CCNH: variants seen among roughly 807,000 people sequenced by gnomAD.
CCNH encodes the protein cyclin-H.
Under a neutral mutation model 41.9 loss-of-function variants are expected in CCNH, and 31 were observed. The ratio of observed to expected loss-of-function variants is 0.74; its 90% CI spans 0.56 to 1.00. The LOEUF (loss-of-function observed/expected upper bound fraction) is 1.00, where lower values mean the gene tolerates loss of function less well. Ranked by LOEUF, CCNH falls within the 50% of genes least tolerant of loss-of-function variation. The pLI is 0.00. For synonymous variants in CCNH, 138 were observed against 136.1 expected (o/e 1.01, Z -0.10); for missense variants, 362 against 388.4 (o/e 0.93, Z 0.57).
chr5:87,373,503 C>T (rs1221269440), downstream of CCNH, among the ~76,000 whole-genome samples: 1 of 152,054 alleles, frequency 6.6e-6, no homozygotes, highest in African/African-American at 2.4e-5. Context: ...ATACTTATTA[C>T]AACCTGTAGT....
intron 9 of CCNH, chr5:87,363,330 A>ATT (rs60835976): frequency 5.1e-6 from 7 of 1,378,082 alleles, no homozygotes; most frequent in Non-Finnish European, 7.0e-6. Context: ...AGAGAAAACA[A>ATT]TTTTTTTTTT....
chr5:87,411,700 C>T (rs2112586673), intron 1 of CCNH, among the ~76,000 whole-genome samples: 1 of 152,198 alleles, frequency 6.6e-6, no homozygotes, highest in East Asian at 1.9e-4. Flanking sequence ...AAGCTTCCAA[C>T]ATCCGTTTCT....
At chr5:87,318,093 T>C (rs2112325457), downstream of CCNH, among the ~76,000 whole-genome samples, 1 of 152,326 alleles carries the variant, frequency 6.6e-6, no homozygotes, top group African/African-American at 2.4e-5. Flanking sequence ...ATTGCTGGGC[T>C]AAAATGTTCT....
upstream of CCNH, among the ~76,000 whole-genome samples, chr5:87,382,125 T>C (rs113706786): frequency 0.032 from 4,859 of 152,226 alleles, 160 homozygotes; most frequent in African/African-American, 0.074. Flanking sequence ...GCTATTTTTG[T>C]ATTTTTAGTA....
intron 9 of CCNH, among the ~76,000 whole-genome samples, chr5:87,323,253 C>T (rs1432772390): frequency 6.6e-6 from 1 of 152,102 alleles, no homozygotes; most frequent in East Asian, 1.9e-4. Flanking sequence ...AGGAGAAACA[C>T]TTTGAGAAAG....
chr5:87,359,870 A>G (rs1759940150), intron 9 of CCNH, among the ~76,000 whole-genome samples: 1 of 152,200 alleles, frequency 6.6e-6, no homozygotes, highest in Non-Finnish European at 1.5e-5. Context: ...TCATGTCTAG[A>G]AAGGTTTACG....
chr5:87,394,264 C>T (rs1281558342), downstream of CCNH: 1 of 1,280,638 alleles, frequency 7.8e-7, no homozygotes. Flanking sequence ...AAAACAGGTG[C>T]TATTCTAGCT....
upstream of CCNH, among the ~76,000 whole-genome samples, chr5:87,378,012 A>T (rs140298388): frequency 9.2e-3 from 1,402 of 152,332 alleles, 28 homozygotes; most frequent in African/African-American, 0.031. Context: ...ATTTTGTGTT[A>T]TATCCTTAAT....
chr5:87,373,691 G>A (rs1307465802), downstream of CCNH, among the ~76,000 whole-genome samples: 4 of 152,110 alleles, frequency 2.6e-5, no homozygotes, highest in African/African-American at 9.7e-5. Flanking sequence ...ATCCTTTCCT[G>A]TAAAATAAGA....
chr5:87,385,536 G>A (rs1762005757), intron 9 of CCNH: 1 of 686,160 alleles, frequency 1.5e-6, no homozygotes, highest in African/African-American at 1.8e-5. Flanking sequence ...TTTTAAAGTA[G>A]CTTGTTTAAA....
chr5:87,367,423 A>G (rs1202716660), intron 9 of CCNH, among the ~76,000 whole-genome samples: 5 of 152,214 alleles, frequency 3.3e-5, no homozygotes, highest in African/African-American at 9.6e-5. Flanking sequence ...CTAATGTGAA[A>G]GTTAACAGCC....
chr5:87,342,669 T>C (rs543583752), intron 9 of CCNH, among the ~76,000 whole-genome samples: 2 of 152,322 alleles, frequency 1.3e-5, no homozygotes, highest in African/African-American at 4.8e-5. Flanking sequence ...TGGCAACTAA[T>C]ATTCACTCAC....
chr5:87,316,108 G>C (rs1271029793), downstream of CCNH, among the ~76,000 whole-genome samples: 1 of 152,136 alleles, frequency 6.6e-6, no homozygotes, highest in East Asian at 1.9e-4. Context: ...TTTTGTGCTA[G>C]AATGCTCTGA....
chr5:87,387,003 A>T, downstream of CCNH: 2 of 1,133,436 alleles, frequency 1.8e-6, no homozygotes, highest in Non-Finnish European at 1.3e-6. Context: ...TTCTATCCAA[A>T]ACTAAAAAGA....
chr5:87,355,331 T>C (rs1759570709), intron 9 of CCNH, among the ~76,000 whole-genome samples: 2 of 152,192 alleles, frequency 1.3e-5, no homozygotes, highest in African/African-American at 2.4e-5. Flanking sequence ...AAACCAATTA[T>C]CGTTGACTAT....
Position 87,334,822 on chromosome 5 carries a change from T to C in CCNH, c.*91-15925A>G, listed in dbSNP as rs116527366. On this transcript the variant is annotated intron_variant and NMD_transcript_variant, in intron 9 of 9. Coordinates refer to the CCNH transcript ENST00000645953. The stretch of plus-strand genomic sequence containing the variant: ...AAATGGGAAGTATGTATAAAACACT[T>C]CTGCTGTGTACCAGGGATCAGTGTC... Among the ~76,000 whole-genome samples the C allele has an allele frequency of 3.4e-3, 525 of 152,306 alleles. 1 individual carries two copies. The highest frequency in any genetic ancestry group is 4.3e-3 in the Non-Finnish European group (295 of 68,020).
chr5:87,370,722 AC>A (rs1432269398), intron 9 of CCNH, among the ~76,000 whole-genome samples: 2 of 152,190 alleles, frequency 1.3e-5, no homozygotes, highest in African/African-American at 4.8e-5. Context: ...TGTATTTTAT[AC>A]AAATACAGCT....
At chr5:87,351,166 T>C (rs1226219921) in intron 9 of CCNH, among the ~76,000 whole-genome samples, 1 of 151,416 alleles carries the variant, frequency 6.6e-6, no homozygotes, top group Non-Finnish European at 1.5e-5. Flanking sequence ...TTAATGTTCC[T>C]ATATTCAGAG....
chr5:87,348,585 A>G (rs1759028470), intron 9 of CCNH, among the ~76,000 whole-genome samples: 1 of 151,954 alleles, frequency 6.6e-6, no homozygotes, highest in African/African-American at 2.4e-5. Context: ...AGTTGTTTTG[A>G]ATCTACCTTT....
Sources: allele counts gnomAD v4.1 joint callset (sites outside exome capture counted in the v4.1 genomes callset), GRCh38; gene constraint gnomAD v4.1.1; transcripts MANE v1.5; gene names NCBI Gene and HGNC (gene_info 2026-07-23, HGNC 2026-07-21).